The following RNASE10 variants were observed in gnomAD, a reference collection of about 807,000 sequenced individuals.
RNASE10 encodes the protein inactive ribonuclease-like protein 10.
RNASE10 carries 2 observed loss-of-function variants against 1.1 expected under a neutral mutation model. The observed-to-expected ratio is 1.82, with a 90% CI of 0.74 to 5.73. The LOEUF is 5.73. Ranked by LOEUF, RNASE10 falls within the 30% of genes most tolerant of loss-of-function variation. The pLI, the probability that RNASE10 is intolerant of heterozygous loss-of-function variation, is 0.05. For synonymous variants in RNASE10, 97 were observed against 96.2 expected, an observed-to-expected ratio of 1.01 and a Z score of -0.05; for missense variants, 276 against 263.4, an observed-to-expected ratio of 1.05 and a Z score of -0.33.
chr14:20,511,177 C>G, downstream of RNASE10: 1 of 1,296,380 alleles, frequency 7.7e-7, no homozygotes, highest in East Asian at 2.6e-5. Flanking sequence ...TCCTTTTTTA[C>G]TTCTTCTTTC....
chr14:20,506,378 C>CA (rs1882718203), intron 1 of RNASE10, among the ~76,000 whole-genome samples: 1 of 127,556 alleles, frequency 7.8e-6, no homozygotes, highest in African/African-American at 3.2e-5. Context: ...TCTGCCCGGC[C>CA]GCCCCTACTG....
At chr14:20,511,374 T>A (rs571790662), downstream of RNASE10, among the ~76,000 whole-genome samples, 1 of 152,332 alleles carries the variant, frequency 6.6e-6, no homozygotes, top group South Asian at 2.1e-4. Flanking sequence ...GCTGCTGTAG[T>A]CCGTACTGTA....
intron 1 of RNASE10, among the ~76,000 whole-genome samples, chr14:20,509,406 G>A (rs1882838380): frequency 6.6e-6 from 1 of 152,134 alleles, no homozygotes; most frequent in Non-Finnish European, 1.5e-5. Flanking sequence ...GATTTTCTTT[G>A]GTTTCATTCT....
At chr14:20,512,253 A>G (rs965861895), downstream of RNASE10, among the ~76,000 whole-genome samples, 4 of 152,220 alleles carry the variant, frequency 2.6e-5, no homozygotes, top group African/African-American at 9.6e-5. Context: ...CAGAGAAGGT[A>G]TCAAACTTAA....
At chr14:20,510,026 G>C (rs894978267) in intron 1 of RNASE10, among the ~76,000 whole-genome samples, 1 of 150,360 alleles carries the variant, frequency 6.7e-6, no homozygotes, top group Non-Finnish European at 1.5e-5. Context: ...GGCTGAAGCA[G>C]AAGGATCACT....
exon 2 of RNASE10, chr14:20,510,676 G>T (rs201207144): frequency 1.2e-6 from 2 of 1,614,220 alleles, no homozygotes; most frequent in South Asian, 2.2e-5. Context: ...AGAAACGCTG[G>T]TGCTTAGCAA....
intron 1 of RNASE10, among the ~76,000 whole-genome samples, chr14:20,507,725 CTTAT>C (rs71112513): frequency 0.045 from 6,528 of 146,108 alleles, 233 homozygotes; most frequent in African/African-American, 0.09. Flanking sequence ...TTAAACTTCC[CTTAT>C]TTATTTATTT....
intron 1 of RNASE10, 153 bp from the exon 2 acceptor site, chr14:20,510,314 A>C: frequency 8.7e-7 from 1 of 1,145,784 alleles, no homozygotes; most frequent in Non-Finnish European, 1.2e-6. Context: ...GGGAATGGAA[A>C]GAGAAATCGC....
exon 2 of RNASE10, chr14:20,511,122 A>C (rs757772902): frequency 4.1e-6 from 6 of 1,480,518 alleles, no homozygotes; most frequent in Non-Finnish European, 4.5e-6. Context: ...CTGGACAATG[A>C]AGCAACTCAT....
chr14:20,504,636 C>A (rs1003205283), upstream of RNASE10, among the ~76,000 whole-genome samples: 2 of 142,520 alleles, frequency 1.4e-5, no homozygotes, highest in African/African-American at 5.3e-5. Context: ...TGCAGTGAGC[C>A]GAGATCGCGC....
upstream of RNASE10, among the ~76,000 whole-genome samples, chr14:20,505,122 G>A (rs1276110042): frequency 6.6e-6 from 1 of 151,824 alleles, no homozygotes; most frequent in Non-Finnish European, 1.5e-5. Flanking sequence ...AGCCAATGCT[G>A]TAGGGTAGGA....
chr14:20,508,503 T>G (rs935571353), intron 1 of RNASE10, among the ~76,000 whole-genome samples: 1 of 152,188 alleles, frequency 6.6e-6, no homozygotes, highest in Non-Finnish European at 1.5e-5. Context: ...CAATATCAGA[T>G]GCACCGTCAC....
intron 1 of RNASE10, among the ~76,000 whole-genome samples, chr14:20,508,202 A>G (rs1480476684): frequency 6.6e-6 from 1 of 152,204 alleles, no homozygotes; most frequent in East Asian, 1.9e-4. Context: ...CCTAAGAAGA[A>G]GGATATTTTC....
upstream of RNASE10, among the ~76,000 whole-genome samples, chr14:20,504,722 A>C (rs1002828711): frequency 7.0e-6 from 1 of 143,466 alleles, no homozygotes; most frequent in African/African-American, 2.6e-5. Flanking sequence ...CTGTCATTAC[A>C]ACCTTCTCTC....
At chr14:20,507,615 A>T (rs909448347) in intron 1 of RNASE10, among the ~76,000 whole-genome samples, 6 of 124,972 alleles carry the variant, frequency 4.8e-5, no homozygotes, top group African/African-American at 1.5e-4. Flanking sequence ...ATCAATTAAA[A>T]AAATAAATAA....
downstream of RNASE10, among the ~76,000 whole-genome samples, chr14:20,512,799 G>T (rs1323226346): frequency 6.6e-6 from 1 of 152,208 alleles, no homozygotes; most frequent in African/African-American, 2.4e-5. Context: ...GGTGAAAGGT[G>T]ATGACCCAGC....
exon 2 of RNASE10, chr14:20,510,957 G>A (rs777764075): frequency 6.2e-7 from 1 of 1,606,504 alleles, no homozygotes; most frequent in Non-Finnish European, 8.5e-7. Flanking sequence ...GTGAGCTCAA[G>A]GGGGGAAAAT....
At chr14:20,510,581 G>T in exon 2 of RNASE10, 1 of 1,614,204 alleles carries the variant, frequency 6.2e-7, no homozygotes, top group East Asian at 2.2e-5. Flanking sequence ...TTGGAGGAGA[G>T]TGATCAACCG....
At chr14:20,504,340 A>T (rs918539091), upstream of RNASE10, among the ~76,000 whole-genome samples, 8 of 152,212 alleles carry the variant, frequency 5.3e-5, no homozygotes, top group Non-Finnish European at 1.0e-4. Flanking sequence ...GCAGCTGCTT[A>T]TGCATGTACG....
Sources: allele counts gnomAD v4.1 joint callset (sites outside exome capture counted in the v4.1 genomes callset), GRCh38; gene constraint gnomAD v4.1.1; transcripts MANE v1.5; gene names NCBI Gene and HGNC (gene_info 2026-07-23, HGNC 2026-07-21).